CLEC19A: variants seen among roughly 807,000 people sequenced by gnomAD.
CLEC19A encodes the protein C-type lectin domain family 19 member A.
CLEC19A carries 21 observed loss-of-function variants against 26.1 expected under a neutral mutation model. The ratio of observed to expected loss-of-function variants is 0.80; its 90% CI spans 0.57 to 1.16. CLEC19A has a LOEUF of 1.16. Among genes scored for constraint, CLEC19A ranks in the 50% most tolerant of loss-of-function variants. The pLI, the probability that CLEC19A is intolerant of heterozygous loss-of-function variation, is 0.00. For missense variants in CLEC19A, 224 were observed against 227.6 expected, an observed-to-expected ratio of 0.98 and a Z score of 0.10; for synonymous variants, 89 against 88.6, an observed-to-expected ratio of 1.00 and a Z score of -0.03.
At chr16:19,298,538 C>A in intron 1 of CLEC19A, 135 bp from the exon 2 acceptor site, 1 of 901,690 alleles carries the variant, frequency 1.1e-6, no homozygotes, top group African/African-American at 1.7e-5. Flanking sequence ...TGCACTTCAG[C>A]CTGGGCAACA....
chr16:19,289,632 C>G (rs1897540220), intron 1 of CLEC19A, among the ~76,000 whole-genome samples: 1 of 152,196 alleles, frequency 6.6e-6, no homozygotes, highest in Non-Finnish European at 1.5e-5. Flanking sequence ...CCCTCCTAGG[C>G]TGATCTCAAG....
chr16:19,304,041 C>T, intron 2 of CLEC19A, 21 bp from the exon 3 acceptor site: 1 of 1,539,212 alleles, frequency 6.5e-7, no homozygotes, highest in Non-Finnish European at 8.8e-7. Flanking sequence ...GAATCAGCTA[C>T]TATTATTCTT....
intron 1 of CLEC19A, among the ~76,000 whole-genome samples, chr16:19,291,331 A>C (rs916504593): frequency 3.3e-5 from 5 of 152,224 alleles, no homozygotes; most frequent in African/African-American, 1.2e-4. Context: ...AGATTGGAGC[A>C]AAAGGAAATG....
chr16:19,288,718 T>C (rs1385963456), intron 1 of CLEC19A, among the ~76,000 whole-genome samples: 1 of 152,180 alleles, frequency 6.6e-6, no homozygotes, highest in African/African-American at 2.4e-5. Flanking sequence ...TGGCACCCAG[T>C]AAGAGCTACG....
intron 1 of CLEC19A, among the ~76,000 whole-genome samples, chr16:19,288,510 T>C (rs1039406730): frequency 3.9e-5 from 6 of 152,104 alleles, no homozygotes; most frequent in Non-Finnish European, 7.4e-5. Flanking sequence ...ACCCACCCCT[T>C]GCATATGCAA....
At chr16:19,298,320 G>C (rs1235598086) in intron 1 of CLEC19A, among the ~76,000 whole-genome samples, 2 of 150,834 alleles carry the variant, frequency 1.3e-5, no homozygotes. Flanking sequence ...GGAGGCTGAA[G>C]CAGGAGGATC....
chr16:19,299,534 A>G (rs1897774394), intron 2 of CLEC19A, among the ~76,000 whole-genome samples: 1 of 152,162 alleles, frequency 6.6e-6, no homozygotes, highest in South Asian at 2.1e-4. Context: ...TGACCATCTC[A>G]GAGTTCTCCA....
intron 2 of CLEC19A, among the ~76,000 whole-genome samples, chr16:19,300,547 CAA>C (rs66894914): frequency 0.035 from 4,773 of 134,584 alleles, 222 homozygotes; most frequent in African/African-American, 0.11. Context: ...GATCCTATCT[CAA>C]AAAAAAAAAA....
chr16:19,292,435 C>T (rs1009481538), intron 1 of CLEC19A, among the ~76,000 whole-genome samples: 4 of 152,224 alleles, frequency 2.6e-5, no homozygotes, highest in African/African-American at 9.6e-5. Context: ...AATGCCATCG[C>T]AGTGTCAGGA....
chr16:19,287,803 C>T (rs1321713455), intron 1 of CLEC19A, among the ~76,000 whole-genome samples: 7 of 152,166 alleles, frequency 4.6e-5, no homozygotes, highest in Non-Finnish European at 8.8e-5. Context: ...TCAATGAGCT[C>T]GTGCAGGTGA....
intron 1 of CLEC19A, 122 bp from the exon 2 acceptor site, chr16:19,298,551 A>G (rs1597084299): frequency 1.9e-6 from 2 of 1,046,350 alleles, no homozygotes; most frequent in East Asian, 5.2e-5. Flanking sequence ...GGGCAACAGA[A>G]CGAGACCCTG....
intron 1 of CLEC19A, among the ~76,000 whole-genome samples, chr16:19,294,848 G>C (rs2521491): frequency 0.088 from 13,384 of 152,194 alleles, 748 homozygotes; most frequent in East Asian, 0.27. Context: ...GTGAATGTTT[G>C]CTGTGATGTT....
At chr16:19,286,050 C>T (rs552910231) in intron 1 of CLEC19A, 111 bp downstream of exon 1, 8 of 1,012,030 alleles carry the variant, frequency 7.9e-6, no homozygotes, top group East Asian at 5.3e-5. Flanking sequence ...TGGCCTGACC[C>T]GAGTCTCCTG....
At position 19,309,276 on chromosome 16, in the gene CLEC19A, C is replaced by A; in HGVS notation, c.*193C>A. The A allele has an allele frequency of 2.0e-6, 1 of 492,756 alleles. No homozygotes were observed. The highest frequency in any genetic ancestry group is 3.6e-6 in the Non-Finnish European group (1 of 280,298). 30.5% of individuals were successfully genotyped at this position (492,756 alleles called of 1,614,324 possible). A position where few individuals can be genotyped will look rare whatever the true frequency, so the allele number is the denominator to read the frequency against. Reference sequence around the variant, plus strand: ...TGTCAGGAAAGCCAGCTCAAATTGGCTTAATTTTTTAAAGTGTTTTTTTTT... The same window carrying A: ...TGTCAGGAAAGCCAGCTCAAATTGGATTAATTTTTTAAAGTGTTTTTTTTT... On this transcript the variant is annotated 3_prime_UTR_variant, in exon 5 of 5. Transcript: ENST00000636231.
rs1300570437 is a variant in CLEC19A at position 19,310,831 on chromosome 16, G to C, written c.*1748G>C. ...AATAGGTATGGGATTACTTTGTGAGGTGACAAAAATTATCTGCAATTAGAT... is the reference window on the plus strand; with the variant it reads ...AATAGGTATGGGATTACTTTGTGAGCTGACAAAAATTATCTGCAATTAGAT... On this transcript the variant is annotated 3_prime_UTR_variant, in exon 5 of 5. Transcript: ENST00000636231. 1.3e-5 allele frequency: 2 copies of C among 152,162 alleles called. No individual in the cohort carries two copies. The highest frequency in any genetic ancestry group is 2.1e-4 in the South Asian group (1 of 4,820). 9.4% of individuals were successfully genotyped at this position (152,162 alleles called of 1,614,324 possible). A position where few individuals can be genotyped will look rare whatever the true frequency, so the allele number is the denominator to read the frequency against.
At chr16:19,291,427 G>A (rs754825314) in intron 1 of CLEC19A, among the ~76,000 whole-genome samples, 1 of 152,222 alleles carries the variant, frequency 6.6e-6, no homozygotes, top group Non-Finnish European at 1.5e-5. Context: ...TCTTGGGCAA[G>A]TTGGCCAACC....
intron 3 of CLEC19A, among the ~76,000 whole-genome samples, chr16:19,306,836 GTC>G (rs1166932590): frequency 4.6e-5 from 7 of 152,132 alleles, no homozygotes; most frequent in Non-Finnish European, 8.8e-5. Context: ...TCAAGCTCTA[GTC>G]TCTCTCTCAG....
chr16:19,306,677 A>G (rs900364219), intron 3 of CLEC19A, among the ~76,000 whole-genome samples: 9 of 152,108 alleles, frequency 5.9e-5, no homozygotes, highest in Non-Finnish European at 1.2e-4. Flanking sequence ...CATTGTACTA[A>G]GTCCTTCACA....
rs1433414586 is a variant in CLEC19A, at chr16:19,310,272, C to CAGCCT, written c.*1190_*1194dup. 1 of 151,766 alleles carries CAGCCT rather than the reference C, an allele frequency of 6.6e-6. No homozygotes were observed. The highest frequency in any genetic ancestry group is 2.4e-5 in the African/African-American group (1 of 41,298). The allele number at this position is 151,766 out of a possible 1,614,324, so 9.4% of individuals were successfully genotyped here. A position where few individuals can be genotyped will look rare whatever the true frequency, so the allele number is the denominator to read the frequency against. ...TCACTTGAGCCCAGGAGTTGAAGATCAGCCTGGGCAACATAGTAAGACCCC... is the reference window on the plus strand; with the variant it reads ...TCACTTGAGCCCAGGAGTTGAAGATCAGCCTAGCCTGGGCAACATAGTAAGACCCC... On this transcript the variant is annotated 3_prime_UTR_variant, in exon 5 of 5. Transcript: ENST00000636231.
Sources: allele counts gnomAD v4.1 joint callset (sites outside exome capture counted in the v4.1 genomes callset), GRCh38; gene constraint gnomAD v4.1.1; transcripts MANE v1.5; gene names NCBI Gene and HGNC (gene_info 2026-07-23, HGNC 2026-07-21).